The following FSTL5 variants were observed in gnomAD, a reference collection of about 807,000 sequenced individuals.
The protein encoded by FSTL5 is follistatin like 5, also known as follistatin-related protein 5.
Under a neutral mutation model 89.1 loss-of-function variants are expected in FSTL5, and 62 were observed. The ratio of observed to expected loss-of-function variants is 0.70; its 90% CI spans 0.57 to 0.86. The LOEUF (loss-of-function observed/expected upper bound fraction) is 0.86. Among genes scored for constraint, FSTL5 ranks in the 40% least tolerant of loss-of-function variants. The probability of loss-of-function intolerance (pLI) is 0.00; values close to 1 mark genes in which losing one functional copy is unlikely to be tolerated. For synonymous variants in FSTL5, 383 were observed against 346.2 expected (o/e 1.11, Z -1.18); for missense variants, 1,057 against 1,001.6 (o/e 1.06, Z -0.75).
At chr4:161,653,678 A>C (rs1353118245) in intron 7 of FSTL5, among the ~76,000 whole-genome samples, 2 of 152,188 alleles carry the variant, frequency 1.3e-5, no homozygotes, top group African/African-American at 4.8e-5. Flanking sequence ...TTAAGCATAA[A>C]TAAGTATCAA....
At chr4:162,098,629 G>A (rs1336977736) in intron 2 of FSTL5, among the ~76,000 whole-genome samples, 1 of 151,906 alleles carries the variant, frequency 6.6e-6, no homozygotes, top group Non-Finnish European at 1.5e-5. Flanking sequence ...TGAAAGAAAA[G>A]AACAAGGTCA....
intron 10 of FSTL5, 131 bp downstream of exon 10, chr4:161,538,035 A>G (rs939428918): frequency 8.9e-6 from 7 of 785,300 alleles, no homozygotes; most frequent in Non-Finnish European, 1.4e-5. Context: ...TATCCTTCCT[A>G]CGTATAAAAT....
intron 3 of FSTL5, among the ~76,000 whole-genome samples, chr4:161,937,407 T>C (rs953388623): frequency 1.3e-5 from 2 of 152,104 alleles, no homozygotes; most frequent in Non-Finnish European, 2.9e-5. Flanking sequence ...AGGACATGAA[T>C]TGCCAACTTG....
chr4:161,572,540 A>G lies in FSTL5; in HGVS notation c.1015+14915T>C, dbSNP rs528038793. Among the ~76,000 whole-genome samples, 31 of 152,244 alleles carry G rather than the reference A, an allele frequency of 2.0e-4. 1 individual carries two copies. In the South Asian group the frequency reaches 2.7e-3, roughly 13 times the overall value. On this transcript the variant is annotated intron_variant, in intron 8 of 15. Coordinates refer to ENST00000306100, the MANE Select transcript of FSTL5 (RefSeq NM_020116.5). ...AAGGCTTTAGGGAAGTGAGGCTAAA[A>G]TGATTTGTGGTGGGAATCTTTTTCC...
rs1437897049 is a variant in FSTL5 at position 161,969,758 on chromosome 4, G to C, written c.161-49106C>G. ...AGGGAAATAGAAGAAACAGAAGTTA[G>C]GATGAATAAGAACCTTTTTTTGGAG... On this transcript the variant is annotated intron_variant, in intron 3 of 15. Coordinates refer to ENST00000306100, the MANE Select transcript of FSTL5 (RefSeq NM_020116.5). 2.6e-5 allele frequency among the ~76,000 whole-genome samples: 4 copies of C among 151,924 alleles called. No individual in the cohort carries two copies. In the East Asian group the frequency reaches 7.7e-4, roughly 29 times the overall value.
chr4:161,574,905 T>G (rs1733158206), intron 8 of FSTL5, among the ~76,000 whole-genome samples: 1 of 152,172 alleles, frequency 6.6e-6, no homozygotes, highest in Non-Finnish European at 1.5e-5. Context: ...GTTCTCGATC[T>G]TTGAGGAATT....
At chr4:162,150,883 CA>C (rs2111509312) in intron 1 of FSTL5, among the ~76,000 whole-genome samples, 1 of 152,274 alleles carries the variant, frequency 6.6e-6, no homozygotes, top group South Asian at 2.1e-4. Context: ...TAGACATTTA[CA>C]TAAAAACTGC....
intron 3 of FSTL5, among the ~76,000 whole-genome samples, chr4:161,952,325 A>C (rs1734918445): frequency 6.6e-6 from 1 of 152,018 alleles, no homozygotes; most frequent in Admixed American, 6.6e-5. Flanking sequence ...GAAAAGTGAG[A>C]GAGAAGATAA....
chr4:162,033,929 G>A (rs528645012), intron 2 of FSTL5, among the ~76,000 whole-genome samples: 12 of 152,116 alleles, frequency 7.9e-5, no homozygotes, highest in South Asian at 6.2e-4. Flanking sequence ...CTCTCAAGTA[G>A]CTGGAACTAC....
At chr4:161,775,453 T>C (rs1210702581) in intron 5 of FSTL5, among the ~76,000 whole-genome samples, 2 of 152,182 alleles carry the variant, frequency 1.3e-5, no homozygotes, top group Non-Finnish European at 2.9e-5. Flanking sequence ...AACACTATCT[T>C]AAATCATTTA....
chr4:161,594,511 T>A (rs1272114112), intron 7 of FSTL5, among the ~76,000 whole-genome samples: 1 of 152,090 alleles, frequency 6.6e-6, no homozygotes, highest in African/African-American at 2.4e-5. Context: ...AAGTGTTTTA[T>A]TGAAATCTGT....
intron 4 of FSTL5, among the ~76,000 whole-genome samples, chr4:161,913,157 C>G (rs1317882069): frequency 6.6e-6 from 1 of 152,152 alleles, no homozygotes; most frequent in Non-Finnish European, 1.5e-5. Flanking sequence ...AAGAAAAGCA[C>G]ATTTTTGAGG....
intron 4 of FSTL5, among the ~76,000 whole-genome samples, chr4:161,877,346 A>G (rs1732478174): frequency 6.6e-6 from 1 of 150,786 alleles, no homozygotes; most frequent in Non-Finnish European, 1.5e-5. Context: ...GTCATAAACA[A>G]GAACCATATG....
At chr4:161,498,913 A>T (rs2126482049) in intron 12 of FSTL5, among the ~76,000 whole-genome samples, 1 of 152,276 alleles carries the variant, frequency 6.6e-6, no homozygotes, top group Non-Finnish European at 1.5e-5. Flanking sequence ...TTATAAAAGA[A>T]AATAGGGCCG....
intron 3 of FSTL5, among the ~76,000 whole-genome samples, chr4:161,957,184 G>C (rs775145189): frequency 1.2e-4 from 18 of 151,832 alleles, no homozygotes; most frequent in Non-Finnish European, 2.1e-4. Flanking sequence ...GGATTTAATG[G>C]TTAGATAGAG....
intron 1 of FSTL5, among the ~76,000 whole-genome samples, chr4:162,136,016 A>T (rs1239051163): frequency 6.6e-6 from 1 of 151,882 alleles, no homozygotes; most frequent in Non-Finnish European, 1.5e-5. Context: ...TATCTTTCCT[A>T]AATCAAAATC....
intron 8 of FSTL5, among the ~76,000 whole-genome samples, chr4:161,559,194 T>C (rs1732498955): frequency 6.6e-6 from 1 of 151,898 alleles, no homozygotes; most frequent in African/African-American, 2.4e-5. Flanking sequence ...GGTGAATCTC[T>C]TCGTAAAAGC....
intron 12 of FSTL5, among the ~76,000 whole-genome samples, chr4:161,484,544 C>T (rs562994547): frequency 2.6e-5 from 4 of 152,288 alleles, no homozygotes; most frequent in African/African-American, 9.6e-5. Context: ...ATCTAATTAT[C>T]TTCAGACTTT....
At position 162,013,977 on chromosome 4, in the gene FSTL5, C is replaced by T. The variant is rs1029264584; in HGVS notation, c.160+19648G>A. 4.8e-4 allele frequency among the ~76,000 whole-genome samples: 73 copies of T among 152,184 alleles called. 1 individual carries two copies. Among genetic ancestry groups the T allele is most frequent in the East Asian group, 3.9e-4 (2 of 5,160 alleles). ...CATGGATCTCAGAAGCCAAAATGCA[C>T]TGTATGAGGGCAGCCAATGCCACAT... On this transcript the variant is annotated intron_variant, in intron 3 of 15. Coordinates refer to ENST00000306100, the MANE Select transcript of FSTL5 (RefSeq NM_020116.5).
Sources: allele counts gnomAD v4.1 joint callset (sites outside exome capture counted in the v4.1 genomes callset), GRCh38; gene constraint gnomAD v4.1.1; transcripts MANE v1.5; gene names NCBI Gene and HGNC (gene_info 2026-07-23, HGNC 2026-07-21).